Variants in MRPL42 observed in about 807,000 individuals in gnomAD.
MRPL42 encodes mitochondrial ribosomal protein L42.
MRPL42 carries 17 observed loss-of-function variants against 17.9 expected under a neutral mutation model. The ratio of observed to expected loss-of-function variants is 0.95; its 90% confidence interval spans 0.65 to 1.42. The LOEUF (loss-of-function observed/expected upper bound fraction) is 1.42. MRPL42 is among the 40% of genes most tolerant of loss of function. The probability of loss-of-function intolerance (pLI) is 0.00; values close to 1 mark genes in which losing one functional copy is unlikely to be tolerated. For missense variants in MRPL42, 177 were observed against 175.2 expected (o/e 1.01, Z -0.06); for synonymous variants, 59 against 54.4 (o/e 1.08, Z -0.37).
At position 93,504,883 on chromosome 12, in the gene MRPL42, G is replaced by A. The variant is rs910035481; in HGVS notation, c.*3662G>A. 2 of 152,212 alleles carry A rather than the reference G, an allele frequency of 1.3e-5. No homozygotes were observed. Among genetic ancestry groups the A allele is most frequent in the Non-Finnish European group, 2.9e-5 (2 of 68,050 alleles). The allele number at this position is 152,212 out of a possible 1,614,324, so 9.4% of individuals were successfully genotyped here. On this transcript the variant is annotated 3_prime_UTR_variant, in exon 6 of 6. Coordinates refer to ENST00000549982, the MANE Select transcript of MRPL42 (RefSeq NM_014050.4). ...AAGCTCCATGACTTCTAGGTACCCT[G>A]TCTGACTACGTGTATCACTGTTTCT...
intron 2 of MRPL42, among the ~76,000 whole-genome samples, chr12:93,469,816 T>A (rs1264072737): frequency 2.0e-5 from 3 of 152,236 alleles, no homozygotes. Flanking sequence ...ATCCATCATA[T>A]GCATGTGTGC....
chr12:93,467,713 T>C (rs761772951), intron 1 of MRPL42, among the ~76,000 whole-genome samples, 159 bp downstream of exon 1: 2 of 152,224 alleles, frequency 1.3e-5, no homozygotes, highest in African/African-American at 2.4e-5. Flanking sequence ...AGAGCCGGCA[T>C]GTGGCTGCGC....
intron 4 of MRPL42, among the ~76,000 whole-genome samples, chr12:93,482,530 G>T (rs749364817): frequency 6.6e-6 from 1 of 151,924 alleles, no homozygotes; most frequent in African/African-American, 2.4e-5. Flanking sequence ...TCCTCTTCAT[G>T]CTTAAGGGTT....
At chr12:93,497,242 C>T (rs1356452794) in intron 5 of MRPL42, among the ~76,000 whole-genome samples, 3 of 152,178 alleles carry the variant, frequency 2.0e-5, no homozygotes, top group Non-Finnish European at 4.4e-5. Context: ...AAAACGGCAT[C>T]ATCCTGATAC....
intron 4 of MRPL42, 40 bp downstream of exon 4, chr12:93,479,512 T>C: frequency 7.2e-7 from 1 of 1,396,932 alleles, no homozygotes; most frequent in Admixed American, 1.8e-5. Flanking sequence ...TAATTTGCTG[T>C]TAGAAATGTT....
chr12:93,495,006 T>C (rs1953471638), intron 5 of MRPL42, among the ~76,000 whole-genome samples: 1 of 152,168 alleles, frequency 6.6e-6, no homozygotes, highest in Non-Finnish European at 1.5e-5. Flanking sequence ...GGGTGGAGCT[T>C]CGTGAAGTTC....
chr12:93,492,679 C>T (rs1953436910), intron 5 of MRPL42, among the ~76,000 whole-genome samples: 3 of 152,244 alleles, frequency 2.0e-5, no homozygotes, highest in Non-Finnish European at 4.4e-5. Flanking sequence ...ATTCAGCATA[C>T]ACTGTTCAAT....
rs1377152274 is a variant in MRPL42, at chr12:93,504,768, A to G, written c.*3547A>G. 9 of 152,138 alleles carry G rather than the reference A, an allele frequency of 5.9e-5. No homozygotes were observed. Among genetic ancestry groups the G allele is most frequent in the Admixed American group, 5.9e-4 (9 of 15,270 alleles). 9.4% of individuals were successfully genotyped at this position (152,138 alleles called of 1,614,324 possible). A position where few individuals can be genotyped will look rare whatever the true frequency, so the allele number is the denominator to read the frequency against. On this transcript the variant is annotated 3_prime_UTR_variant, in exon 6 of 6. Coordinates refer to ENST00000549982, the MANE Select transcript of MRPL42 (RefSeq NM_014050.4). ...ATTCTGTTGTTACGTGCAACACTGT[A>G]TATCTCTCCATAGCACTTAATCAGA...
chr12:93,488,998 A>G (rs1396311435), intron 5 of MRPL42, among the ~76,000 whole-genome samples: 1 of 152,040 alleles, frequency 6.6e-6, no homozygotes. Context: ...GCTAGTTTGA[A>G]CAAAACTTTG....
intron 4 of MRPL42, among the ~76,000 whole-genome samples, chr12:93,483,328 GT>G (rs952182000): frequency 5.4e-5 from 8 of 147,080 alleles, no homozygotes; most frequent in African/African-American, 1.9e-4. Context: ...GAAATGCATT[GT>G]TAGGCAATTT....
intron 2 of MRPL42, among the ~76,000 whole-genome samples, chr12:93,473,918 C>A (rs1880031698): frequency 6.6e-6 from 1 of 152,068 alleles, no homozygotes; most frequent in African/African-American, 2.4e-5. Flanking sequence ...AGAGGCAGTT[C>A]GGCAATCACT....
intron 4 of MRPL42, among the ~76,000 whole-genome samples, chr12:93,482,361 A>T (rs1880504804): frequency 1.3e-5 from 2 of 152,050 alleles, no homozygotes; most frequent in Non-Finnish European, 2.9e-5. Flanking sequence ...AGCATACTGG[A>T]TGTTTTCTGG....
rs772136481 is a variant in MRPL42 at position 93,476,923 on chromosome 12, A to G, written c.71-31A>G. On this transcript the variant is annotated intron_variant, in intron 2 of 5. Transcript: ENST00000549982. ...TGGAGAAAATATGCTCAAATTAACC[A>G]AATCTGTTTTACTGTTTGGGGTTTT... 2.5e-6 allele frequency: 4 copies of G among 1,571,124 alleles called. No individual in the cohort carries two copies. In the East Asian group the frequency reaches 9.0e-5, roughly 35 times the overall value.
chr12:93,477,614 C>T (rs1050680246), intron 3 of MRPL42, among the ~76,000 whole-genome samples: 13 of 151,864 alleles, frequency 8.6e-5, no homozygotes, highest in Non-Finnish European at 1.2e-4. Context: ...ATTTTGTTTT[C>T]GAGATGGGGT....
chr12:93,473,402 C>T (rs1565808992), intron 2 of MRPL42, among the ~76,000 whole-genome samples: 1 of 151,558 alleles, frequency 6.6e-6, no homozygotes, highest in Non-Finnish European at 1.5e-5. Context: ...AGCAAGACTA[C>T]AGATGTGTAC....
chr12:93,511,095 T>C lies in MRPL42; in HGVS notation c.*9874T>C, dbSNP rs1399112116. On this transcript the variant is annotated 3_prime_UTR_variant, in exon 6 of 6. Coordinates refer to ENST00000549982, the MANE Select transcript of MRPL42 (RefSeq NM_014050.4). ...GCGATTCTGAATAAATGAAAACCAA[T>C]AGATTGTTCTAGTTTTACTCATAAA... is the stretch of plus-strand genomic sequence containing the variant. 1 of 152,206 alleles carries C rather than the reference T, an allele frequency of 6.6e-6. No individual in the cohort carries two copies. The highest frequency in any genetic ancestry group is 1.5e-5 in the Non-Finnish European group (1 of 68,030). The allele number at this position is 152,206 out of a possible 1,614,324, so 9.4% of individuals were successfully genotyped here. A position where few individuals can be genotyped will look rare whatever the true frequency, so the allele number is the denominator to read the frequency against.
intron 2 of MRPL42, chr12:93,470,500 G>A (rs987343628): frequency 1.5e-6 from 2 of 1,291,470 alleles, no homozygotes; most frequent in Non-Finnish European, 2.0e-6. Context: ...GGGCGTACAT[G>A]TGCAGGTTTG....
At chr12:93,485,110 T>C (rs1880677906) in intron 4 of MRPL42, among the ~76,000 whole-genome samples, 1 of 141,602 alleles carries the variant, frequency 7.1e-6, no homozygotes, top group Admixed American at 7.2e-5. Context: ...ACTTTGACCT[T>C]CCTAAGTGCT....
intron 1 of MRPL42, among the ~76,000 whole-genome samples, chr12:93,468,572 C>T (rs1879751368): frequency 6.6e-6 from 1 of 152,030 alleles, no homozygotes; most frequent in African/African-American, 2.4e-5. Context: ...ATGATTAATA[C>T]GAGAGCAAAA....
Sources: gnomAD v4.1 joint callset for allele counts (sites outside exome capture counted in the v4.1 genomes callset) on GRCh38, gnomAD v4.1.1 for gene constraint, MANE v1.5 for transcripts, NCBI Gene and HGNC (gene_info 2026-07-23, HGNC 2026-07-21) for gene names.